The following NUDCD3 variants were observed in gnomAD, a reference collection of about 807,000 sequenced individuals.
NUDCD3 encodes the protein nudC domain-containing protein 3.
NUDCD3 carries 13 observed loss-of-function variants against 39.7 expected under a neutral mutation model. The observed-to-expected ratio is 0.33, with a 90% CI of 0.21 to 0.52. The LOEUF is 0.52. NUDCD3 is among the 20% of genes least tolerant of loss of function. The pLI is 0.96. For synonymous variants in NUDCD3, 175 were observed against 172.4 expected, an observed-to-expected ratio of 1.02 and a Z score of -0.12; for missense variants, 453 against 458.1, an observed-to-expected ratio of 0.99 and a Z score of 0.10.
chr7:44,399,278 C>T (rs988683346), intron 4 of NUDCD3, among the ~76,000 whole-genome samples: 2 of 152,246 alleles, frequency 1.3e-5, no homozygotes, highest in Admixed American at 6.5e-5. Flanking sequence ...CTCTTCCCTA[C>T]TGGAACTGAT....
chr7:44,444,667 T>C (rs10277082), intron 2 of NUDCD3, among the ~76,000 whole-genome samples: 1,527 of 152,208 alleles, frequency 0.01, 37 homozygotes, highest in African/African-American at 0.035. Context: ...TAATGCTGAG[T>C]CCTGTAGGCC....
chr7:44,469,542 A>G (rs1800209186), intron 2 of NUDCD3, among the ~76,000 whole-genome samples: 1 of 152,232 alleles, frequency 6.6e-6, no homozygotes, highest in Non-Finnish European at 1.5e-5. Flanking sequence ...GTATGCTGAG[A>G]AACAAGATAT....
intron 3 of NUDCD3, among the ~76,000 whole-genome samples, chr7:44,419,157 C>T (rs1019091442): frequency 2.0e-5 from 3 of 152,040 alleles, no homozygotes; most frequent in Admixed American, 2.0e-4. Context: ...GGGGGAAGGG[C>T]GCCTGCCATT....
At position 44,412,926 on chromosome 7, in the gene NUDCD3, C is replaced by CAAAAAA. The variant is rs767754442; in HGVS notation, c.643-8349_643-8344dup. Among the ~76,000 whole-genome samples the CAAAAAA allele has an allele frequency of 8.0e-4, 35 of 43,832 alleles. 1 individual carries two copies. Among genetic ancestry groups the CAAAAAA allele is most frequent in the African/African-American group, 1.6e-3 (20 of 12,538 alleles). 28.8% of individuals were successfully genotyped at this position (43,832 alleles called of 152,430 possible). A position where few individuals can be genotyped will look rare whatever the true frequency, so the allele number is the denominator to read the frequency against. ...TGGGCGACAGAGCGAGACGCCGTCT[C>CAAAAAA]AAAAAAAAAAAAAAAAGAAAAAAAA... is the stretch of plus-strand genomic sequence containing the variant. On this transcript the variant is annotated intron_variant, in intron 3 of 5. Coordinates refer to ENST00000355451, the MANE Select transcript of NUDCD3 (RefSeq NM_015332.4).
intron 2 of NUDCD3, among the ~76,000 whole-genome samples, chr7:44,466,516 T>C (rs1043691392): frequency 2.6e-5 from 4 of 152,126 alleles, no homozygotes; most frequent in Admixed American, 2.6e-4. Flanking sequence ...CACCAATCTG[T>C]GAAGTGCTCA....
At chr7:44,389,135 G>C (rs1441028429) in intron 5 of NUDCD3, among the ~76,000 whole-genome samples, 1 of 152,264 alleles carries the variant, frequency 6.6e-6, no homozygotes, top group African/African-American at 2.4e-5. Context: ...GGGCAGCAGG[G>C]CATGAAGGGG....
At chr7:44,476,723 C>T (rs1800378764) in intron 2 of NUDCD3, among the ~76,000 whole-genome samples, 1 of 152,196 alleles carries the variant, frequency 6.6e-6, no homozygotes, top group Admixed American at 6.5e-5. Flanking sequence ...CTGGGGGGGT[C>T]ATCTCACACA....
chr7:44,465,065 T>G (rs1467349987), intron 2 of NUDCD3, among the ~76,000 whole-genome samples: 1 of 152,166 alleles, frequency 6.6e-6, no homozygotes, highest in African/African-American at 2.4e-5. Context: ...CAGCACCAGT[T>G]CAAACACCTA....
intron 2 of NUDCD3, among the ~76,000 whole-genome samples, chr7:44,429,749 C>T (rs1799316068): frequency 6.6e-6 from 1 of 151,956 alleles, no homozygotes; most frequent in Non-Finnish European, 1.5e-5. Flanking sequence ...CACTGTGGGA[C>T]AGAGAGATGA....
At chr7:44,406,957 G>A (rs1032762220) in intron 3 of NUDCD3, among the ~76,000 whole-genome samples, 4 of 152,134 alleles carry the variant, frequency 2.6e-5, no homozygotes, top group African/African-American at 9.7e-5. Flanking sequence ...GCACATGTGG[G>A]AACTGCTGTG....
chr7:44,432,775 C>T (rs1042141805), intron 2 of NUDCD3, among the ~76,000 whole-genome samples: 14 of 152,220 alleles, frequency 9.2e-5, no homozygotes, highest in African/African-American at 3.4e-4. Context: ...ATGACAACAT[C>T]CCTGTCACCC....
intron 2 of NUDCD3, among the ~76,000 whole-genome samples, chr7:44,480,189 C>A (rs903882666): frequency 6.6e-6 from 1 of 152,188 alleles, no homozygotes; most frequent in East Asian, 1.9e-4. Flanking sequence ...AAAATAGGGT[C>A]TCTACAAAAC....
At chr7:44,399,518 G>A (rs895605480) in intron 4 of NUDCD3, among the ~76,000 whole-genome samples, 1 of 152,326 alleles carries the variant, frequency 6.6e-6, no homozygotes, top group South Asian at 2.1e-4. Context: ...GGGGACTCAG[G>A]AAAGTGGCTC....
intron 2 of NUDCD3, among the ~76,000 whole-genome samples, chr7:44,444,837 G>A (rs1343574430): frequency 6.6e-6 from 1 of 152,170 alleles, no homozygotes; most frequent in Admixed American, 6.5e-5. Flanking sequence ...CTTTCAACCA[G>A]CCTTCTGTTC....
intron 3 of NUDCD3, among the ~76,000 whole-genome samples, chr7:44,414,307 G>A (rs1442662644): frequency 2.0e-5 from 3 of 152,148 alleles, no homozygotes; most frequent in Non-Finnish European, 4.4e-5. Context: ...TGGGGCACTT[G>A]AGCCAGATGA....
chr7:44,421,196 T>C (rs934345196), intron 3 of NUDCD3, among the ~76,000 whole-genome samples: 1 of 151,972 alleles, frequency 6.6e-6, no homozygotes, highest in African/African-American at 2.4e-5. Context: ...TAGCTGGGCA[T>C]GGTGGCGTGC....
intron 1 of NUDCD3, 106 bp downstream of exon 1, chr7:44,490,303 C>G (rs1800707436): frequency 1.8e-6 from 2 of 1,128,568 alleles, no homozygotes; most frequent in Non-Finnish European, 2.4e-6. Flanking sequence ...CCCCAGGACA[C>G]CAGGAAAAGG....
chr7:44,433,344 G>A (rs1230061693), intron 2 of NUDCD3, among the ~76,000 whole-genome samples: 1 of 152,202 alleles, frequency 6.6e-6, no homozygotes, highest in African/African-American at 2.4e-5. Flanking sequence ...CTATATGTGT[G>A]TGTGGGGTAC....
At chr7:44,416,624 T>A (rs761823002) in intron 3 of NUDCD3, among the ~76,000 whole-genome samples, 9 of 152,102 alleles carry the variant, frequency 5.9e-5, no homozygotes, top group Non-Finnish European at 1.5e-5. Context: ...CCAAGGCAGG[T>A]CACCAGTACA....
Sources: allele counts gnomAD v4.1 joint callset (sites outside exome capture counted in the v4.1 genomes callset), GRCh38; gene constraint gnomAD v4.1.1; transcripts MANE v1.5; gene names NCBI Gene and HGNC (gene_info 2026-07-23, HGNC 2026-07-21).